The following NLRP7 variants were observed in gnomAD, a reference collection of about 807,000 sequenced individuals.
NLRP7 encodes NACHT, LRR and PYD domains-containing protein 7.
Under a neutral mutation model 85.5 loss-of-function variants are expected in NLRP7, and 72 were observed. The ratio of observed to expected loss-of-function variants is 0.84; its 90% confidence interval spans 0.70 to 1.02. NLRP7 has a LOEUF of 1.02. Ranked by LOEUF, NLRP7 falls within the 50% of genes least tolerant of loss-of-function variation. The pLI, the probability that NLRP7 is intolerant of heterozygous loss-of-function variation, is 0.00. For missense variants in NLRP7, 1,243 were observed against 1,219.5 expected, an observed-to-expected ratio of 1.02 and a Z score of -0.29; for synonymous variants, 550 against 505.2, an observed-to-expected ratio of 1.09 and a Z score of -1.19.
chr19:54,935,514 G>A (rs1229138476), intron 6 of NLRP7, among the ~76,000 whole-genome samples: 1 of 152,062 alleles, frequency 6.6e-6, no homozygotes, highest in Non-Finnish European at 1.5e-5. Flanking sequence ...TGGCCAACAT[G>A]GTGAAACCCT....
intron 9 of NLRP7, chr19:54,927,673 C>G (rs1359369203): frequency 6.2e-7 from 1 of 1,614,188 alleles, no homozygotes; most frequent in South Asian, 1.1e-5. Flanking sequence ...CACTCTTCCA[C>G]AAATGATTCT....
chr19:54,941,407 T>C (rs759786447), intron 2 of NLRP7, 28 bp downstream of exon 2: 160 of 930,388 alleles, frequency 1.7e-4, no homozygotes, highest in Non-Finnish European at 2.1e-4. Context: ...AAAAAAAAAA[T>C]GACCAGGACA....
At chr19:54,962,602 T>A (rs1487496327) in intron 1 of NLRP7, among the ~76,000 whole-genome samples, 1 of 148,276 alleles carries the variant, frequency 6.7e-6, no homozygotes, top group Non-Finnish European at 1.5e-5. Context: ...TCTTTCTTTT[T>A]TGTTTGTTTG....
Position 54,939,003 on chromosome 19 carries a change from G to GT in NLRP7, c.1815_1816insA (p.His606ThrfsTer32). ...CAATGCTTCAGGCTGAAGGAACAAT[G>GT]CATCACTTCAGAAGTATTTGTCAGG... On this transcript the variant is annotated frameshift_variant, in exon 4 of 10. Coordinates refer to ENST00000340844, the Ensembl canonical transcript of NLRP7. LOFTEE classifies it high-confidence loss of function. The GT allele has an allele frequency of 6.2e-7, 1 of 1,614,184 alleles. No homozygotes were observed. Among genetic ancestry groups the GT allele is most frequent in the East Asian group, 2.2e-5 (1 of 44,886 alleles).
At chr19:54,932,201 G>A (rs537090688) in intron 8 of NLRP7, among the ~76,000 whole-genome samples, 2 of 152,158 alleles carry the variant, frequency 1.3e-5, no homozygotes, top group South Asian at 2.1e-4. Flanking sequence ...GCCGAGGCAG[G>A]CAGATCACTT....
chr19:54,933,982 G>A lies in NLRP7; in HGVS notation c.2472-243C>T, dbSNP rs538500455. On this transcript the variant is annotated intron_variant, in intron 7 of 9. Coordinates refer to ENST00000340844, the Ensembl canonical transcript of NLRP7. Reference sequence around the variant, plus strand: ...TTTTGAGACGGAGTCTCGCTCTGTCGCCCAGGCTGGAGTGCAGTGGCGCGA... The same window carrying A: ...TTTTGAGACGGAGTCTCGCTCTGTCACCCAGGCTGGAGTGCAGTGGCGCGA... Among the ~76,000 whole-genome samples, 8 of 152,220 alleles carry A rather than the reference G, an allele frequency of 5.3e-5. No homozygotes were observed. The East Asian group carries it at 1.2e-3, about 22-fold the overall frequency.
chr19:54,940,598 G>T (rs897085939), intron 3 of NLRP7, 132 bp from the exon 4 acceptor site: 2 of 1,027,792 alleles, frequency 1.9e-6, no homozygotes, highest in Non-Finnish European at 3.0e-6. Context: ...AGGCCAAGGT[G>T]GGTGGATCAC....
chr19:54,923,779 G>A (rs200467216), exon 10 of NLRP7: 42 of 1,613,720 alleles, frequency 2.6e-5, no homozygotes, highest in Middle Eastern at 3.4e-4. Flanking sequence ...CCGTTGCCCC[G>A]GAAGCATTGC....
At chr19:54,936,111 G>A (rs2068911190) in intron 6 of NLRP7, 150 bp downstream of exon 6, 3 of 716,104 alleles carry the variant, frequency 4.2e-6, no homozygotes, top group South Asian at 1.5e-5. Context: ...GGGGAAAGAG[G>A]AGAGGCCGAC....
At chr19:54,938,158 C>T in exon 5 of NLRP7, 1 of 1,613,968 alleles carries the variant, frequency 6.2e-7, no homozygotes, top group Non-Finnish European at 8.5e-7. Context: ...GCTGTTTGAG[C>T]TGAAGAGAGA....
upstream of NLRP7, among the ~76,000 whole-genome samples, chr19:54,951,894 G>T (rs2069681263): frequency 6.6e-6 from 1 of 152,046 alleles, no homozygotes; most frequent in Non-Finnish European, 1.5e-5. Flanking sequence ...GGGACTACAG[G>T]TGCCTGCAAC....
exon 4 of NLRP7, chr19:54,939,826 G>C (rs1388743847): frequency 6.2e-7 from 1 of 1,614,090 alleles, no homozygotes; most frequent in Middle Eastern, 1.7e-4. Flanking sequence ...TCAGGAAATA[G>C]GCCCTCCTGT....
chr19:54,936,877 T>A (rs2068951874), intron 5 of NLRP7, among the ~76,000 whole-genome samples: 1 of 151,278 alleles, frequency 6.6e-6, no homozygotes, highest in African/African-American at 2.4e-5. Context: ...ACCGCACCAC[T>A]GCACTCCAGC....
chr19:54,945,790 G>C (rs139107369), intron 1 of NLRP7, among the ~76,000 whole-genome samples: 4 of 149,976 alleles, frequency 2.7e-5, no homozygotes, highest in Non-Finnish European at 4.4e-5. Flanking sequence ...GTAGAGACAG[G>C]GTTTCTTGTT....
intron 9 of NLRP7, among the ~76,000 whole-genome samples, chr19:54,928,632 A>G (rs973117274): frequency 2.0e-5 from 3 of 152,114 alleles, no homozygotes; most frequent in African/African-American, 7.2e-5. Flanking sequence ...CCTCTTTTGG[A>G]AAGTGATATG....
intron 6 of NLRP7, among the ~76,000 whole-genome samples, chr19:54,935,448 C>A (rs1296375337): frequency 1.3e-5 from 2 of 152,106 alleles, no homozygotes; most frequent in East Asian, 3.9e-4. Context: ...GTAATCCTAG[C>A]ACTTTGGGAG....
exon 4 of NLRP7, chr19:54,938,957 G>A (rs1395685086): frequency 1.2e-6 from 2 of 1,613,568 alleles, no homozygotes; most frequent in Non-Finnish European, 1.7e-6. Flanking sequence ...TACCTGCAGT[G>A]AGAGTTTCTG....
chr19:54,927,862 C>T (rs2068514179), intron 9 of NLRP7, 87 bp from the exon 10 acceptor site: 14 of 1,198,330 alleles, frequency 1.2e-5, no homozygotes, highest in South Asian at 7.3e-5. Context: ...GAGGCCAAGG[C>T]GGGTGGATCA....
rs1602229107 is a variant in NLRP7 at position 54,954,345 on chromosome 19, T to G, written c.-76-6840A>C. 1.4e-5 allele frequency among the ~76,000 whole-genome samples: 2 copies of G among 140,036 alleles called. 1 individual carries two copies. The highest frequency in any genetic ancestry group is 3.1e-5 in the Non-Finnish European group (2 of 64,444). The allele number at this position is 140,036 out of a possible 152,430, so 91.9% of individuals were successfully genotyped here. A position where few individuals can be genotyped will look rare whatever the true frequency, so the allele number is the denominator to read the frequency against. On this transcript the variant is annotated intron_variant, in intron 1 of 2. Coordinates refer to the NLRP7 transcript ENST00000587103. ...ATTGAGACCATCCTGGCTAACACGG[T>G]GAAATCCCATCTCTACTAAAAAAAA...
Sources: gnomAD v4.1 joint callset for allele counts (sites outside exome capture counted in the v4.1 genomes callset) on GRCh38, gnomAD v4.1.1 for gene constraint, MANE v1.5 for transcripts, NCBI Gene and HGNC (gene_info 2026-07-23, HGNC 2026-07-21) for gene names.